Variants in TMEM245 observed in about 807,000 individuals in gnomAD.
TMEM245 encodes transmembrane protein 245, also known as protein CG-2.
A neutral mutation model predicts 101.2 loss-of-function variants in TMEM245; 69 were observed. The ratio of observed to expected loss-of-function variants is 0.68; its 90% confidence interval spans 0.56 to 0.83. The LOEUF (loss-of-function observed/expected upper bound fraction) is 0.83. TMEM245 is among the 40% of genes least tolerant of loss of function. The pLI, the probability that TMEM245 is intolerant of heterozygous loss-of-function variation, is 0.00. For synonymous variants in TMEM245, 537 were observed against 449.8 expected (o/e 1.19, Z -2.45); for missense variants, 1,075 against 1,092.8 (o/e 0.98, Z 0.23).
chr9:109,091,157 TGAAAAG>T lies in TMEM245; in HGVS notation c.917-8_917-3del, dbSNP rs751807770. 9.9e-6 allele frequency: 16 copies of T among 1,612,300 alleles called. No homozygotes were observed. The highest frequency in any genetic ancestry group is 1.4e-5 in the Non-Finnish European group (16 of 1,179,032). On this transcript the variant is annotated splice_polypyrimidine_tract_variant and splice_region_variant and intron_variant, in intron 4 of 17. Transcript: ENST00000374586. ...CGGATTCTCCCCTGTCCACTGCTTC[TGAAAAG>T]GAAAAGAAAAACACCACACACCGCA...
intron 12 of TMEM245, 103 bp from the exon 13 acceptor site, chr9:109,050,795 A>G: frequency 2.3e-6 from 3 of 1,287,228 alleles, no homozygotes; most frequent in Non-Finnish European, 3.2e-6. Context: ...CCATGAACTG[A>G]AAAGCTAAGA....
At chr9:109,090,581 G>A (rs796935273) in intron 5 of TMEM245, among the ~76,000 whole-genome samples, 31 of 151,932 alleles carry the variant, frequency 2.0e-4, no homozygotes, top group African/African-American at 7.2e-4. Context: ...AAAATTAGCC[G>A]GGTGTGGTGG....
chr9:109,043,025 T>C (rs1384521587), intron 14 of TMEM245, among the ~76,000 whole-genome samples: 1 of 152,082 alleles, frequency 6.6e-6, no homozygotes, highest in Admixed American at 6.6e-5. Flanking sequence ...ACCACTGTTA[T>C]GTGCTGTGCA....
At chr9:109,100,880 T>G (rs904482864) in intron 3 of TMEM245, among the ~76,000 whole-genome samples, 1 of 152,236 alleles carries the variant, frequency 6.6e-6, no homozygotes, top group Non-Finnish European at 1.5e-5. Context: ...TTTCCCTTAT[T>G]ATCTTAAGCT....
At chr9:109,095,065 T>C (rs1830102876) in intron 3 of TMEM245, among the ~76,000 whole-genome samples, 1 of 152,200 alleles carries the variant, frequency 6.6e-6, no homozygotes, top group Non-Finnish European at 1.5e-5. Flanking sequence ...CCTCCTCTAA[T>C]AAATGCCCCT....
chr9:109,054,223 C>G (rs976524865), intron 12 of TMEM245, among the ~76,000 whole-genome samples: 1 of 152,068 alleles, frequency 6.6e-6, no homozygotes, highest in Non-Finnish European at 1.5e-5. Flanking sequence ...CCCAGCTACT[C>G]AGGAGGAAGA....
chr9:109,080,777 T>C, intron 8 of TMEM245, 62 bp downstream of exon 8: 1 of 1,059,564 alleles, frequency 9.4e-7, no homozygotes, highest in Non-Finnish European at 1.4e-6. Context: ...TAGCTTTTAA[T>C]CCAGACTACA....
At chr9:109,070,822 T>G (rs1829308496) in intron 9 of TMEM245, among the ~76,000 whole-genome samples, 1 of 152,224 alleles carries the variant, frequency 6.6e-6, no homozygotes, top group African/African-American at 2.4e-5. Context: ...CCTAGAACTT[T>G]AAATAAATGA....
At chr9:109,048,810 AG>A (rs1457633776) in intron 14 of TMEM245, among the ~76,000 whole-genome samples, 2 of 152,254 alleles carry the variant, frequency 1.3e-5, no homozygotes, top group Non-Finnish European at 2.9e-5. Context: ...AAGTTCATTC[AG>A]AAACAAAGCC....
chr9:109,076,502 C>T (rs1829510704), intron 8 of TMEM245, among the ~76,000 whole-genome samples: 1 of 151,264 alleles, frequency 6.6e-6, no homozygotes, highest in South Asian at 2.1e-4. Context: ...GCACGTTGTG[C>T]ACATGTACCC....
At chr9:109,086,776 G>A (rs1307144909) in intron 6 of TMEM245, among the ~76,000 whole-genome samples, 1 of 152,150 alleles carries the variant, frequency 6.6e-6, no homozygotes, top group Non-Finnish European at 1.5e-5. Context: ...GGTTTTCCAT[G>A]ATTCATCTGA....
At chr9:109,113,328 A>G (rs572841057) in intron 1 of TMEM245, among the ~76,000 whole-genome samples, 1 of 152,380 alleles carries the variant, frequency 6.6e-6, no homozygotes, top group South Asian at 2.1e-4. Context: ...CATGAGGTTA[A>G]CAAGTCAACT....
At chr9:109,049,649 A>G (rs1828613046) in intron 14 of TMEM245, among the ~76,000 whole-genome samples, 1 of 152,134 alleles carries the variant, frequency 6.6e-6, no homozygotes, top group African/African-American at 2.4e-5. Context: ...CAACATGGTA[A>G]AACCTCATCT....
chr9:109,086,782 T>C (rs1002809620), intron 6 of TMEM245, among the ~76,000 whole-genome samples: 1 of 152,226 alleles, frequency 6.6e-6, no homozygotes, highest in Non-Finnish European at 1.5e-5. Context: ...CCATGATTCA[T>C]CTGATTTTCC....
Position 109,020,193 on chromosome 9 carries a change from G to T in TMEM245, c.*267C>A. On this transcript the variant is annotated 3_prime_UTR_variant, in exon 18 of 18. Transcript: ENST00000374586. ...AAAAATTTCAAGCCAGGGTACCAGT[G>T]TATAAAATGAAACTTTTCAAGCCAT... 2.1e-6 allele frequency: 1 copy of T among 468,582 alleles called. No individual in the cohort carries two copies. The highest frequency in any genetic ancestry group is 3.9e-6 in the Non-Finnish European group (1 of 254,844). 29.0% of individuals were successfully genotyped at this position (468,582 alleles called of 1,614,324 possible).
At chr9:109,085,956 G>C (rs769629861) in intron 7 of TMEM245, 41 bp downstream of exon 7, 1 of 1,606,344 alleles carries the variant, frequency 6.2e-7, no homozygotes, top group African/African-American at 1.3e-5. Flanking sequence ...GGGGCATTAC[G>C]GAATTCAATA....
chr9:109,038,164 A>G, intron 14 of TMEM245, 47 bp from the exon 15 acceptor site: 1 of 1,461,936 alleles, frequency 6.8e-7, no homozygotes, highest in Non-Finnish European at 9.4e-7. Context: ...ACAGTGTCAT[A>G]TCGTGATTCA....
intron 12 of TMEM245, among the ~76,000 whole-genome samples, chr9:109,056,440 CAAAAAAAAAAAA>C (rs753175633): frequency 1.1e-4 from 4 of 36,768 alleles, no homozygotes; most frequent in South Asian, 1.2e-3. Context: ...ACTAAAAATG[CAAAAAAAAAAAA>C]AAAAAAAAAA....
chr9:109,039,977 G>A (rs927245680), intron 14 of TMEM245, among the ~76,000 whole-genome samples: 1 of 152,092 alleles, frequency 6.6e-6, no homozygotes, highest in Admixed American at 6.5e-5. Flanking sequence ...GACATCAAAG[G>A]TGCAACAGAA....
Sources: allele counts gnomAD v4.1 joint callset (sites outside exome capture counted in the v4.1 genomes callset), GRCh38; gene constraint gnomAD v4.1.1; transcripts MANE v1.5; gene names NCBI Gene and HGNC (gene_info 2026-07-23, HGNC 2026-07-21).